Variants in RNF180 observed in about 807,000 individuals in gnomAD.
RNF180 encodes E3 ubiquitin-protein ligase RNF180.
A neutral mutation model predicts 59.2 loss-of-function variants in RNF180; 38 were observed. That is an observed-to-expected ratio of 0.64 (90% CI 0.50 to 0.84). RNF180 has a LOEUF of 0.84. Ranked by LOEUF, RNF180 falls within the 40% of genes least tolerant of loss-of-function variation. The pLI, the probability that RNF180 is intolerant of heterozygous loss-of-function variation, is 0.00. For missense variants in RNF180, 705 were observed against 700.9 expected, an observed-to-expected ratio of 1.01 and a Z score of -0.07; for synonymous variants, 262 against 240.3, an observed-to-expected ratio of 1.09 and a Z score of -0.84.
chr5:64,275,118 A>G (rs1191055636), intron 5 of RNF180, among the ~76,000 whole-genome samples: 2 of 151,638 alleles, frequency 1.3e-5, no homozygotes, highest in African/African-American at 4.8e-5. Flanking sequence ...ATTTATAAAA[A>G]TTTATGTTTC....
intron 4 of RNF180, among the ~76,000 whole-genome samples, chr5:64,216,629 G>A (rs1222558214): frequency 6.6e-6 from 1 of 152,120 alleles, no homozygotes; most frequent in East Asian, 1.9e-4. Context: ...ATGACAGAAA[G>A]TATTAATGAC....
chr5:64,221,353 G>T (rs957362189), intron 5 of RNF180, among the ~76,000 whole-genome samples: 5 of 151,950 alleles, frequency 3.3e-5, no homozygotes, highest in African/African-American at 1.2e-4. Context: ...CAAAATAGTC[G>T]TTTAGTAAAG....
chr5:64,249,542 A>G (rs938996689), intron 5 of RNF180, among the ~76,000 whole-genome samples: 8 of 152,192 alleles, frequency 5.3e-5, no homozygotes, highest in Non-Finnish European at 1.2e-4. Context: ...AATCTGCCTT[A>G]TAAGAAATGC....
At chr5:64,348,843 T>C (rs1745665710) in intron 7 of RNF180, among the ~76,000 whole-genome samples, 1 of 152,116 alleles carries the variant, frequency 6.6e-6, no homozygotes, top group African/African-American at 2.4e-5. Context: ...AACTTATTAT[T>C]CAGCATGTCA....
chr5:64,283,833 G>A (rs534066943), intron 5 of RNF180, among the ~76,000 whole-genome samples: 31 of 152,254 alleles, frequency 2.0e-4, no homozygotes, highest in Non-Finnish European at 4.0e-4. Flanking sequence ...TTAGCAATAT[G>A]AGAACAGACT....
chr5:64,286,401 T>C (rs937097063), intron 5 of RNF180, among the ~76,000 whole-genome samples: 1 of 152,160 alleles, frequency 6.6e-6, no homozygotes, highest in Non-Finnish European at 1.5e-5. Flanking sequence ...CTGTGATCAA[T>C]GCACTAGCAG....
At chr5:64,366,132 T>G (rs1746438698) in intron 7 of RNF180, among the ~76,000 whole-genome samples, 1 of 151,684 alleles carries the variant, frequency 6.6e-6, no homozygotes. Flanking sequence ...ATTTAATGCA[T>G]CTTTCAGGAG....
intron 2 of RNF180, among the ~76,000 whole-genome samples, chr5:64,210,173 T>G (rs2968293): frequency 6.6e-6 from 1 of 152,142 alleles, no homozygotes; most frequent in African/African-American, 2.4e-5. Context: ...TAGACACTCT[T>G]AGGTGTGTCC....
At chr5:64,179,760 G>A (rs186140374) in intron 1 of RNF180, among the ~76,000 whole-genome samples, 30 of 152,204 alleles carry the variant, frequency 2.0e-4, no homozygotes, top group Non-Finnish European at 7.4e-5. Context: ...AAACCTAGAA[G>A]TAGAACTGCA....
chr5:64,262,225 C>G (rs1402830125), intron 5 of RNF180, among the ~76,000 whole-genome samples: 1 of 152,048 alleles, frequency 6.6e-6, no homozygotes, highest in Non-Finnish European at 1.5e-5. Flanking sequence ...TATTTCAAAG[C>G]TAGATATAAA....
chr5:64,176,428 G>A (rs1191093322), intron 1 of RNF180, among the ~76,000 whole-genome samples: 1 of 151,674 alleles, frequency 6.6e-6, no homozygotes, highest in Admixed American at 6.6e-5. Context: ...CTTTTGTATT[G>A]TTCTTTTTAG....
At chr5:64,240,670 C>T (rs1054222867) in intron 5 of RNF180, among the ~76,000 whole-genome samples, 1 of 152,196 alleles carries the variant, frequency 6.6e-6, no homozygotes. Flanking sequence ...CTCATTCACT[C>T]TCCTATACCT....
intron 5 of RNF180, among the ~76,000 whole-genome samples, chr5:64,262,117 A>G (rs936528601): frequency 5.9e-5 from 9 of 152,248 alleles, no homozygotes; most frequent in South Asian, 2.1e-4. Flanking sequence ...CACCTGAGGG[A>G]GGATTCCCCC....
chr5:64,206,312 G>C (rs2112083138), intron 2 of RNF180, among the ~76,000 whole-genome samples: 1 of 152,194 alleles, frequency 6.6e-6, no homozygotes, highest in East Asian at 1.9e-4. Flanking sequence ...TTAATTATTA[G>C]GTTATGACTT....
intron 5 of RNF180, among the ~76,000 whole-genome samples, chr5:64,282,595 GTTAT>G (rs1742066995): frequency 6.6e-6 from 1 of 152,020 alleles, no homozygotes; most frequent in Non-Finnish European, 1.5e-5. Flanking sequence ...TTGTTTTGCT[GTTAT>G]TTCTCTAGTT....
At chr5:64,212,231 C>A in intron 3 of RNF180, 71 bp downstream of exon 3, 1 of 921,674 alleles carries the variant, frequency 1.1e-6, no homozygotes, top group Non-Finnish European at 1.8e-6. Flanking sequence ...CCTTTTAGAG[C>A]TATTTTTCTT....
At chr5:64,172,173 A>G (rs1042009404) in intron 1 of RNF180, among the ~76,000 whole-genome samples, 2 of 152,156 alleles carry the variant, frequency 1.3e-5, no homozygotes, top group African/African-American at 4.8e-5. Flanking sequence ...ACCACTTCAA[A>G]TGCATAGTGA....
intron 7 of RNF180, among the ~76,000 whole-genome samples, chr5:64,354,489 A>G (rs1194630380): frequency 6.6e-6 from 1 of 151,868 alleles, no homozygotes. Flanking sequence ...GTCCAGGACC[A>G]AATAGCTTCA....
At chr5:64,229,553 C>G (rs1337780414) in intron 5 of RNF180, among the ~76,000 whole-genome samples, 2 of 152,206 alleles carry the variant, frequency 1.3e-5, no homozygotes, top group Admixed American at 6.5e-5. Context: ...ATGAATCTGT[C>G]TCTAGCTAAG....
Sources: allele counts gnomAD v4.1 joint callset (sites outside exome capture counted in the v4.1 genomes callset), GRCh38; gene constraint gnomAD v4.1.1; transcripts MANE v1.5; gene names NCBI Gene and HGNC (gene_info 2026-07-23, HGNC 2026-07-21).